Variants in IGSF22 observed in about 807,000 individuals in gnomAD.
IGSF22 encodes immunoglobulin superfamily member 22.
A neutral mutation model predicts 127.0 loss-of-function variants in IGSF22; 119 were observed. The ratio of observed to expected loss-of-function variants is 0.94; its 90% confidence interval spans 0.81 to 1.09. The LOEUF (loss-of-function observed/expected upper bound fraction) is 1.09. Among genes scored for constraint, IGSF22 ranks in the 50% least tolerant of loss-of-function variants. IGSF22 has a pLI of 0.00. For synonymous variants in IGSF22, 568 were observed against 664.7 expected, an observed-to-expected ratio of 0.85 and a Z score of 2.24; for missense variants, 1,518 against 1,716.6, an observed-to-expected ratio of 0.88 and a Z score of 2.04.
At chr11:18,724,073 G>A (rs1848614164) in intron 2 of IGSF22, 55 bp downstream of exon 2, 1 of 1,432,042 alleles carries the variant, frequency 7.0e-7, no homozygotes, top group East Asian at 2.3e-5. Context: ...AGGGATGGGT[G>A]TGGAGGAAGA....
At chr11:18,706,888 A>C (rs1848246487) in intron 21 of IGSF22, 26 bp downstream of exon 21, 1 of 1,467,176 alleles carries the variant, frequency 6.8e-7, no homozygotes, top group Non-Finnish European at 9.1e-7. Context: ...CCCAGACTTA[A>C]CCCTAACTGC....
chr11:18,720,532 T>C (rs1848553042), intron 4 of IGSF22, among the ~76,000 whole-genome samples: 1 of 152,222 alleles, frequency 6.6e-6, no homozygotes, highest in African/African-American at 2.4e-5. Flanking sequence ...CTCTCCCCCT[T>C]GGCTGTGAGC....
chr11:18,712,642 C>T (rs1848379416), intron 14 of IGSF22, among the ~76,000 whole-genome samples: 1 of 152,330 alleles, frequency 6.6e-6, no homozygotes, highest in East Asian at 1.9e-4. Context: ...GCTGATCTCC[C>T]TGTCCCCTTC....
chr11:18,711,642 C>G (rs955608733), intron 15 of IGSF22, among the ~76,000 whole-genome samples: 9 of 152,214 alleles, frequency 5.9e-5, no homozygotes, highest in Non-Finnish European at 1.5e-5. Flanking sequence ...AGGTGATCCT[C>G]CCACCTCGGC....
At chr11:18,711,342 A>G (rs1848353038) in intron 15 of IGSF22, among the ~76,000 whole-genome samples, 1 of 152,194 alleles carries the variant, frequency 6.6e-6, no homozygotes, top group African/African-American at 2.4e-5. Flanking sequence ...CTGTCCTGAC[A>G]TGGAGATTTG....
intron 4 of IGSF22, among the ~76,000 whole-genome samples, chr11:18,721,239 C>T (rs1319157752): frequency 3.3e-5 from 5 of 152,244 alleles, no homozygotes; most frequent in Non-Finnish European, 5.9e-5. Flanking sequence ...GCTCACTCGC[C>T]TTGTGGACAC....
intron 8 of IGSF22, 74 bp downstream of exon 8, chr11:18,718,541 C>T: frequency 1.1e-6 from 1 of 876,890 alleles, no homozygotes; most frequent in Non-Finnish European, 2.0e-6. Context: ...GAGGCTATGG[C>T]TTATATACAG....
chr11:18,720,017 C>G, intron 6 of IGSF22, 47 bp downstream of exon 6: 1 of 1,612,918 alleles, frequency 6.2e-7, no homozygotes, highest in Non-Finnish European at 8.5e-7. Context: ...AGGCTTTGGC[C>G]TGGATGAGGA....
intron 3 of IGSF22, 31 bp downstream of exon 3, chr11:18,721,878 TG>T (rs1485591815): frequency 1.9e-6 from 3 of 1,610,170 alleles, no homozygotes; most frequent in African/African-American, 1.3e-5. Context: ...AGCGAAGCAC[TG>T]GAGCCCGGTG....
At position 18,724,243 on chromosome 11, in the gene IGSF22, A is replaced by T; in HGVS notation, c.-7T>A. The T allele has an allele frequency of 6.2e-7, 1 of 1,611,248 alleles. No individual in the cohort carries two copies. Among genetic ancestry groups the T allele is most frequent in the East Asian group, 2.2e-5 (1 of 44,844 alleles). On this transcript the variant is annotated 5_prime_UTR_variant, in exon 2 of 23. Coordinates refer to ENST00000513874, the MANE Select transcript of IGSF22 (RefSeq NM_173588.4). ...GGCTGTGAATGGTTGTCATGGTGAC[A>T]GCAGGCGTGGGCACTCACCTGTGAG...
chr11:18,716,579 G>A lies in IGSF22; in HGVS notation c.1246+149C>T. ...TCCCCTACTAGACTAGGGGTTAACA[G>A]AGAGGAGATCCCCCTGTCTTTCCAG... On this transcript the variant is annotated intron_variant, in intron 10 of 22. Transcript: ENST00000513874. The surrounding 1 kb of genome is among the most constrained non-coding windows in gnomAD (Gnocchi z 4.5). The A allele has an allele frequency of 1.3e-6, 1 of 746,412 alleles. No homozygotes were observed. 46.2% of individuals were successfully genotyped at this position (746,412 alleles called of 1,614,324 possible). A position where few individuals can be genotyped will look rare whatever the true frequency, so the allele number is the denominator to read the frequency against.
Position 18,704,363 on chromosome 11 carries a change from CA to C in IGSF22, c.*104del. 1 of 747,056 alleles carries C rather than the reference CA, an allele frequency of 1.3e-6. No individual in the cohort carries two copies. 46.3% of individuals were successfully genotyped at this position (747,056 alleles called of 1,614,324 possible). A position where few individuals can be genotyped will look rare whatever the true frequency, so the allele number is the denominator to read the frequency against. On this transcript the variant is annotated 3_prime_UTR_variant, in exon 23 of 23. Transcript: ENST00000513874. ...TCCCTTCACTGAATGTTTACATTAA[CA>C]AACACCAGAGAGCAAACTGGGCTTC... is the stretch of plus-strand genomic sequence containing the variant.
At chr11:18,725,371 G>T (rs543515443) in intron 1 of IGSF22, among the ~76,000 whole-genome samples, 1 of 152,046 alleles carries the variant, frequency 6.6e-6, no homozygotes, top group African/African-American at 2.4e-5. Flanking sequence ...CGATTGATCC[G>T]CCTGCCTTGG....
At chr11:18,705,691 T>A in intron 22 of IGSF22, 126 bp downstream of exon 22, 1 of 785,454 alleles carries the variant, frequency 1.3e-6, no homozygotes. Flanking sequence ...CAATTAAGAA[T>A]GTTTGCACCA....
At chr11:18,704,752 C>T (rs547524255) in intron 22 of IGSF22, 25 of 536,034 alleles carry the variant, frequency 4.7e-5, no homozygotes, top group Non-Finnish European at 8.1e-5. Context: ...CTCATTTAAG[C>T]CTCATAGTCC....
At position 18,706,520 on chromosome 11, in the gene IGSF22, C is replaced by A. The variant is rs932926687; in HGVS notation, c.3581-374G>T. The A allele has an allele frequency of 1.7e-4, 61 of 362,146 alleles. 1 individual carries two copies. In the South Asian group the frequency reaches 2.6e-3, roughly 16 times the overall value. The allele number at this position is 362,146 out of a possible 1,614,324, so 22.4% of individuals were successfully genotyped here. A position where few individuals can be genotyped will look rare whatever the true frequency, so the allele number is the denominator to read the frequency against. On this transcript the variant is annotated intron_variant, in intron 21 of 22. Coordinates refer to ENST00000513874, the MANE Select transcript of IGSF22 (RefSeq NM_173588.4). Reference sequence around the variant, plus strand: ...AGTCTCCCCTCTTATCCCTTTAGCTCCTCAGTTCGAGTTTCCCGACGCGGC... The same window carrying A: ...AGTCTCCCCTCTTATCCCTTTAGCTACTCAGTTCGAGTTTCCCGACGCGGC...
chr11:18,718,545 T>C (rs1281292494), intron 8 of IGSF22, 70 bp downstream of exon 8: 1 of 885,422 alleles, frequency 1.1e-6, no homozygotes, highest in African/African-American at 1.6e-5. Flanking sequence ...CTATGGCTTA[T>C]ATACAGTGAG....
rs1434481424 is a variant in IGSF22, at chr11:18,707,153, A to G, written c.3341T>C (p.Leu1114Pro). The G allele has an allele frequency of 6.4e-7, 1 of 1,551,282 alleles. No individual in the cohort carries two copies. Among genetic ancestry groups the G allele is most frequent in the Non-Finnish European group, 8.7e-7 (1 of 1,146,754 alleles). The change falls in exon 21 of 23, where the codon CTG becomes CCG. Residue 1114 changes from leucine to proline, a missense_variant. Physicochemically the swap from Leu to Pro is moderately conservative, Grantham distance 98. Transcript: ENST00000513874. ...LFEEVPNTVT[L>P]TWNHSPDVQE... ...CACATCTGGGCTGTGGTTCCAGGTC[A>G]GAGTCACTGTGTTGGGGACTTCCTC...
rs769253950 is a variant in IGSF22 at position 18,704,499 on chromosome 11, C to T, written c.3950G>A (p.Ser1317Asn). The T allele has an allele frequency of 2.6e-5, 40 of 1,550,920 alleles. No individual in the cohort carries two copies. The highest frequency in any genetic ancestry group is 5.2e-6 in the Non-Finnish European group (6 of 1,146,662). ...DKSVVASITE[S>N]LQKKSKHLM ...GAGGTGCTTTGATTTCTTCTGCAGA[C>T]TCTCGGTGATGGATGCTACAACTGA... The change falls in exon 23 of 23, where the codon AGT (serine) becomes AAT (asparagine). Residue 1317 changes from serine to asparagine, a missense_variant. By Grantham distance (46) the Ser-to-Asn change is conservative (BLOSUM62 1). Around this residue, in one of 3 missense-constraint regions of IGSF22, gnomAD observed 58 missense variants for 53.0 expected, o/e 1.10. Coordinates refer to ENST00000513874, the MANE Select transcript of IGSF22 (RefSeq NM_173588.4).
Sources: gnomAD v4.1 joint callset for allele counts (sites outside exome capture counted in the v4.1 genomes callset) on GRCh38, gnomAD v4.1.1 for gene constraint, gnomAD v4.1.1 regional missense constraint, Gnocchi (gnomAD v3.1) non-coding constraint, MANE v1.5 for transcripts, NCBI Gene and HGNC (gene_info 2026-07-23, HGNC 2026-07-21) for gene names.